BRINP3: variants seen among roughly 807,000 people sequenced by gnomAD.
BRINP3 encodes the protein BMP/retinoic acid inducible neural specific 3.
In BRINP3, 19 loss-of-function variants were observed where a neutral mutation model predicts 71.0. That is an observed-to-expected ratio of 0.27 (90% CI 0.19 to 0.39). The LOEUF is 0.39. Ranked by LOEUF, BRINP3 falls within the 10% of genes least tolerant of loss-of-function variation. The pLI is 1.00. For missense variants in BRINP3, 959 were observed against 940.8 expected, an observed-to-expected ratio of 1.02 and a Z score of -0.25; for synonymous variants, 380 against 337.7, an observed-to-expected ratio of 1.13 and a Z score of -1.37.
At chr1:190,360,167 A>G (rs1163465345) in intron 2 of BRINP3, among the ~76,000 whole-genome samples, 1 of 152,194 alleles carries the variant, frequency 6.6e-6, no homozygotes, top group African/African-American at 2.4e-5. Context: ...CAACAGATAC[A>G]AAGTAATCGA....
intron 2 of BRINP3, among the ~76,000 whole-genome samples, chr1:190,371,134 C>T (rs1325634093): frequency 6.6e-6 from 1 of 152,088 alleles, no homozygotes; most frequent in African/African-American, 2.4e-5. Flanking sequence ...GTAGACTACT[C>T]ACTCTGTTTC....
At chr1:190,199,506 G>A (rs1233187179) in intron 6 of BRINP3, among the ~76,000 whole-genome samples, 2 of 151,992 alleles carry the variant, frequency 1.3e-5, no homozygotes, top group Non-Finnish European at 2.9e-5. Context: ...GGTTAGTTTA[G>A]TATTATGCAG....
chr1:190,292,663 A>C (rs1197531324), intron 2 of BRINP3, among the ~76,000 whole-genome samples: 2 of 152,094 alleles, frequency 1.3e-5, no homozygotes, highest in Non-Finnish European at 2.9e-5. Flanking sequence ...TAAATAAATA[A>C]ATAAACAGAA....
At chr1:190,409,950 G>A (rs567030153) in intron 2 of BRINP3, among the ~76,000 whole-genome samples, 18 of 152,122 alleles carry the variant, frequency 1.2e-4, no homozygotes, top group Admixed American at 1.1e-3. Flanking sequence ...CCATTAGACT[G>A]TTTTAAGCAA....
At chr1:190,347,429 C>T (rs986599949) in intron 2 of BRINP3, among the ~76,000 whole-genome samples, 12 of 150,158 alleles carry the variant, frequency 8.0e-5, no homozygotes, top group African/African-American at 2.7e-4. Flanking sequence ...CATGAGCCAC[C>T]GCGCCCAGCT....
At chr1:190,411,453 A>G (rs540091697) in intron 2 of BRINP3, among the ~76,000 whole-genome samples, 1 of 152,318 alleles carries the variant, frequency 6.6e-6, no homozygotes, top group Admixed American at 6.5e-5. Flanking sequence ...AGAAAATAAT[A>G]GGCCACAATG....
In BRINP3 at chr1:190,330,312, T is replaced by G. The variant is rs75166355; in HGVS notation, c.237-48562A>C. On this transcript the variant is annotated intron_variant, in intron 2 of 7. Transcript: ENST00000367462. ...AAAATACAAGTAACCCCATTAAAAA[T>G]GGGCAAAATACATGAACAGACACCT... is the stretch of plus-strand genomic sequence containing the variant. Among the ~76,000 whole-genome samples the G allele has an allele frequency of 1.6e-3, 250 of 151,984 alleles. 7 individuals carry two copies. In the East Asian group the frequency reaches 0.047, roughly 28 times the overall value.
At chr1:190,147,120 C>A (rs1655956591) in intron 7 of BRINP3, among the ~76,000 whole-genome samples, 2 of 151,882 alleles carry the variant, frequency 1.3e-5, no homozygotes, top group African/African-American at 2.4e-5. Flanking sequence ...TAGCAAATTT[C>A]TTTAAGTACA....
chr1:190,291,971 T>C (rs1457882092), intron 2 of BRINP3, among the ~76,000 whole-genome samples: 1 of 152,088 alleles, frequency 6.6e-6, no homozygotes, highest in Non-Finnish European at 1.5e-5. Context: ...TAATAAAGAA[T>C]GAAATACTGT....
At chr1:190,199,676 A>C (rs1031846130) in intron 6 of BRINP3, among the ~76,000 whole-genome samples, 2 of 151,914 alleles carry the variant, frequency 1.3e-5, no homozygotes, top group Non-Finnish European at 2.9e-5. Context: ...TTAGGAGAAA[A>C]TTAGCCAAGA....
At chr1:190,320,374 G>T (rs1404751757) in intron 2 of BRINP3, among the ~76,000 whole-genome samples, 1 of 152,060 alleles carries the variant, frequency 6.6e-6, no homozygotes, top group African/African-American at 2.4e-5. Context: ...AATGAACATT[G>T]TTAGGAGACC....
At chr1:190,274,666 C>G (rs1445332003) in intron 3 of BRINP3, among the ~76,000 whole-genome samples, 1 of 151,320 alleles carries the variant, frequency 6.6e-6, no homozygotes, top group Non-Finnish European at 1.5e-5. Flanking sequence ...TTATTGCTGC[C>G]CTTTTGAAAT....
chr1:190,136,458 A>G (rs1010398360), intron 7 of BRINP3, among the ~76,000 whole-genome samples: 1 of 152,062 alleles, frequency 6.6e-6, no homozygotes, highest in African/African-American at 2.4e-5. Context: ...CCCATTAGCT[A>G]TGCACTAATT....
chr1:190,115,144 A>T (rs1462284851), intron 7 of BRINP3, among the ~76,000 whole-genome samples: 1 of 152,112 alleles, frequency 6.6e-6, no homozygotes, highest in Non-Finnish European at 1.5e-5. Context: ...GTACTCAATA[A>T]ATTATGGTAA....
chr1:190,462,202 A>AT (rs1419949184), intron 1 of BRINP3, among the ~76,000 whole-genome samples: 1 of 152,102 alleles, frequency 6.6e-6, no homozygotes, highest in African/African-American at 2.4e-5. Context: ...ATGAGACACC[A>AT]TACCTGGCCC....
intron 2 of BRINP3, among the ~76,000 whole-genome samples, chr1:190,428,329 C>T (rs1673859328): frequency 6.6e-6 from 1 of 151,750 alleles, no homozygotes; most frequent in Non-Finnish European, 1.5e-5. Flanking sequence ...TCTATTGATA[C>T]TAAAATATAC....
At chr1:190,464,097 T>C (rs750640939) in intron 1 of BRINP3, among the ~76,000 whole-genome samples, 1 of 151,678 alleles carries the variant, frequency 6.6e-6, no homozygotes, top group African/African-American at 2.4e-5. Flanking sequence ...TCACTGAATA[T>C]TTCTAGGAAT....
chr1:190,475,142 G>A (rs948001516), intron 1 of BRINP3, among the ~76,000 whole-genome samples: 1 of 152,092 alleles, frequency 6.6e-6, no homozygotes, highest in Non-Finnish European at 1.5e-5. Context: ...GTGACCGTCA[G>A]CAATAATACT....
At chr1:190,173,838 C>A (rs1652247930) in intron 6 of BRINP3, among the ~76,000 whole-genome samples, 1 of 152,076 alleles carries the variant, frequency 6.6e-6, no homozygotes. Flanking sequence ...TCAAATTTTG[C>A]AAACCTCTTC....
Sources: gnomAD v4.1 joint callset for allele counts (sites outside exome capture counted in the v4.1 genomes callset) on GRCh38, gnomAD v4.1.1 for gene constraint, MANE v1.5 for transcripts, NCBI Gene and HGNC (gene_info 2026-07-23, HGNC 2026-07-21) for gene names.